The following ROBO1 variants were observed in gnomAD, a reference collection of about 807,000 sequenced individuals.
The protein encoded by ROBO1 is roundabout homolog 1.
In ROBO1, 149 loss-of-function variants were observed where a neutral mutation model predicts 195.9. That is an observed-to-expected ratio of 0.76 (90% confidence interval 0.67 to 0.87). The LOEUF (loss-of-function observed/expected upper bound fraction) is 0.87. ROBO1 is among the 40% of genes least tolerant of loss of function. The probability of loss-of-function intolerance (pLI) is 0.00; values close to 1 mark genes in which losing one functional copy is unlikely to be tolerated. For synonymous variants in ROBO1, 816 were observed against 733.2 expected (o/e 1.11, Z -1.82); for missense variants, 1,933 against 2,068.3 (o/e 0.93, Z 1.27).
intron 2 of ROBO1, among the ~76,000 whole-genome samples, chr3:79,401,431 T>A (rs2037361934): frequency 6.6e-6 from 1 of 151,820 alleles, no homozygotes; most frequent in South Asian, 2.1e-4. Flanking sequence ...TAAAAGTGAA[T>A]TGGGTCTGCT....
At chr3:79,516,146 C>T (rs376486184) in intron 2 of ROBO1, among the ~76,000 whole-genome samples, 2 of 151,942 alleles carry the variant, frequency 1.3e-5, no homozygotes, top group Non-Finnish European at 1.5e-5. Flanking sequence ...TCACTGCAAC[C>T]GCTTTTGAAA....
At chr3:79,058,020 G>A (rs926021317) in intron 3 of ROBO1, among the ~76,000 whole-genome samples, 29 of 152,084 alleles carry the variant, frequency 1.9e-4, no homozygotes, top group South Asian at 2.1e-4. Context: ...CAGCTACAGA[G>A]GAACCGGGAC....
At chr3:79,211,834 GAC>G (rs930314986) in intron 2 of ROBO1, among the ~76,000 whole-genome samples, 1 of 152,002 alleles carries the variant, frequency 6.6e-6, no homozygotes, top group African/African-American at 2.4e-5. Flanking sequence ...AGGAATTAAA[GAC>G]ACACACACAC....
At chr3:78,700,584 G>A (rs1235133709) in intron 8 of ROBO1, among the ~76,000 whole-genome samples, 1 of 152,176 alleles carries the variant, frequency 6.6e-6, no homozygotes, top group Non-Finnish European at 1.5e-5. Flanking sequence ...AAGGCATCAG[G>A]CTTAGCTAAC....
chr3:79,501,166 T>A (rs1009121251), intron 2 of ROBO1, among the ~76,000 whole-genome samples: 6 of 152,200 alleles, frequency 3.9e-5, no homozygotes, highest in Admixed American at 1.3e-4. Flanking sequence ...GTTTATCTAT[T>A]GACTATGGCT....
At chr3:78,954,906 G>A (rs1300503218) in intron 3 of ROBO1, among the ~76,000 whole-genome samples, 1 of 150,400 alleles carries the variant, frequency 6.6e-6, no homozygotes, top group Non-Finnish European at 1.5e-5. Context: ...TCTAAGGAGA[G>A]AATTTCTTTT....
intron 1 of ROBO1, among the ~76,000 whole-genome samples, chr3:79,702,882 C>T (rs1389886696): frequency 1.3e-5 from 2 of 151,938 alleles, no homozygotes; most frequent in African/African-American, 4.8e-5. Flanking sequence ...TCTGAGTCTG[C>T]TCTTAATCCT....
chr3:79,439,722 T>C (rs1239962745), intron 2 of ROBO1, among the ~76,000 whole-genome samples: 1 of 152,172 alleles, frequency 6.6e-6, no homozygotes, highest in African/African-American at 2.4e-5. Context: ...CAGATTTTAA[T>C]GTAAATCTAT....
At chr3:79,045,717 T>G (rs940657827) in intron 3 of ROBO1, among the ~76,000 whole-genome samples, 3 of 152,042 alleles carry the variant, frequency 2.0e-5, no homozygotes, top group Admixed American at 6.6e-5. Flanking sequence ...AAACCAACAA[T>G]TTTATATAAG....
At chr3:79,747,964 G>T (rs1343608722) in intron 1 of ROBO1, among the ~76,000 whole-genome samples, 1 of 151,854 alleles carries the variant, frequency 6.6e-6, no homozygotes, top group Non-Finnish European at 1.5e-5. Context: ...TTGTAATATG[G>T]TTGACCAAAC....
chr3:79,364,899 G>C (rs1220498391), intron 2 of ROBO1, among the ~76,000 whole-genome samples: 1 of 152,176 alleles, frequency 6.6e-6, no homozygotes, highest in Non-Finnish European at 1.5e-5. Context: ...GGTATCAACA[G>C]AACCCTGAAA....
chr3:79,415,419 G>A (rs4452292), intron 2 of ROBO1, among the ~76,000 whole-genome samples: 50,024 of 151,900 alleles, frequency 0.33, 9,829 homozygotes, highest in Admixed American at 0.48. Flanking sequence ...AAAGTGATGC[G>A]TAAGCAGAGA....
chr3:79,661,506 T>A lies in ROBO1; in HGVS notation c.-50-71545A>T, dbSNP rs539664634. On this transcript the variant is annotated intron_variant, in intron 1 of 30. Transcript: ENST00000464233. ...AGATACTGCTTAAATGTATCATTTC[T>A]TCTTTTCTTTCTTTTCCCCACTTCC... Among the ~76,000 whole-genome samples the A allele has an allele frequency of 5.9e-5, 9 of 152,176 alleles. No individual in the cohort carries two copies. In the East Asian group the frequency reaches 1.4e-3, roughly 23 times the overall value.
chr3:79,445,986 C>T (rs1481946165), intron 2 of ROBO1, among the ~76,000 whole-genome samples: 1 of 152,022 alleles, frequency 6.6e-6, no homozygotes, highest in Non-Finnish European at 1.5e-5. Context: ...TTCATAGACA[C>T]AGGGTTTCAC....
chr3:79,500,104 G>A (rs897324578), intron 2 of ROBO1, among the ~76,000 whole-genome samples: 24 of 145,036 alleles, frequency 1.7e-4, no homozygotes, highest in African/African-American at 5.1e-4. Context: ...CATCCCATGC[G>A]GCAGTAAGTT....
intron 1 of ROBO1, among the ~76,000 whole-genome samples, chr3:79,633,827 T>C (rs763467646): frequency 1.9e-4 from 29 of 152,096 alleles, no homozygotes; most frequent in Non-Finnish European, 3.7e-4. Context: ...CTTTCTTGTT[T>C]GGTAAAAGCT....
At chr3:78,782,957 T>C (rs984487159) in intron 4 of ROBO1, among the ~76,000 whole-genome samples, 5 of 152,226 alleles carry the variant, frequency 3.3e-5, no homozygotes, top group Admixed American at 1.3e-4. Flanking sequence ...TAAATAGTTA[T>C]TGATTTCTAT....
intron 4 of ROBO1, among the ~76,000 whole-genome samples, chr3:78,799,480 T>C (rs1158466332): frequency 6.6e-6 from 1 of 152,120 alleles, no homozygotes; most frequent in Admixed American, 6.5e-5. Flanking sequence ...TAGCTGGGAC[T>C]ACAGGCGCCC....
At chr3:78,636,961 A>G (rs1012529892) in intron 22 of ROBO1, among the ~76,000 whole-genome samples, 4 of 132,040 alleles carry the variant, frequency 3.0e-5, no homozygotes, top group Admixed American at 7.4e-5. Context: ...ATATATATAT[A>G]TATATATATA....
Sources: allele counts gnomAD v4.1 joint callset (sites outside exome capture counted in the v4.1 genomes callset), GRCh38; gene constraint gnomAD v4.1.1; transcripts MANE v1.5; gene names NCBI Gene and HGNC (gene_info 2026-07-23, HGNC 2026-07-21).